EYS: variants seen among roughly 807,000 people sequenced by gnomAD.
EYS encodes the protein protein eyes shut homolog.
A neutral mutation model predicts 282.1 loss-of-function variants in EYS; 250 were observed. The observed-to-expected ratio is 0.89, with a 90% CI of 0.80 to 0.98. The LOEUF (loss-of-function observed/expected upper bound fraction) is 0.98. Ranked by LOEUF, EYS falls within the 50% of genes least tolerant of loss-of-function variation. The probability of loss-of-function intolerance (pLI) is 0.00; values close to 1 mark genes in which losing one functional copy is unlikely to be tolerated. For missense variants in EYS, 4,016 were observed against 3,709.0 expected (o/e 1.08, Z -2.15); for synonymous variants, 1,355 against 1,282.9 (o/e 1.06, Z -1.20).
At chr6:63,929,387 A>C (rs1271363973) in intron 35 of EYS, among the ~76,000 whole-genome samples, 5 of 152,182 alleles carry the variant, frequency 3.3e-5, no homozygotes, top group Non-Finnish European at 7.3e-5. Context: ...ACAGGAGAAG[A>C]AGCAACTGAT....
At chr6:63,789,251 GC>G (rs1178803886) in intron 37 of EYS, 27 bp from the exon 38 acceptor site, 1 of 1,540,976 alleles carries the variant, frequency 6.5e-7, no homozygotes, top group Non-Finnish European at 8.8e-7. Flanking sequence ...CATGGGGAAT[GC>G]TCACTGAGAG....
intron 29 of EYS, among the ~76,000 whole-genome samples, chr6:64,340,762 G>C (rs866457000): frequency 1.3e-5 from 2 of 151,150 alleles, no homozygotes; most frequent in African/African-American, 4.8e-5. Context: ...CAAACAAAAT[G>C]ATAAACAAAG....
chr6:65,078,425 TAACA>T (rs1168357863), intron 12 of EYS, among the ~76,000 whole-genome samples: 1 of 152,030 alleles, frequency 6.6e-6, no homozygotes, highest in Non-Finnish European at 1.5e-5. Flanking sequence ...GGAACTGCAG[TAACA>T]AAGCAAGATT....
intron 15 of EYS, among the ~76,000 whole-genome samples, chr6:64,933,860 T>C (rs1262420665): frequency 1.3e-5 from 2 of 152,052 alleles, no homozygotes; most frequent in Non-Finnish European, 2.9e-5. Flanking sequence ...GAAACCATCA[T>C]TATCAGCAAA....
At chr6:65,002,178 G>A (rs1432635992) in intron 13 of EYS, among the ~76,000 whole-genome samples, 1 of 147,086 alleles carries the variant, frequency 6.8e-6, no homozygotes, top group East Asian at 2.1e-4. Flanking sequence ...TCAGCCATGC[G>A]ATATTTTAAA....
At chr6:64,532,930 C>A (rs74501585) in intron 26 of EYS, among the ~76,000 whole-genome samples, 2,032 of 151,964 alleles carry the variant, frequency 0.013, 43 homozygotes, top group East Asian at 0.082. Flanking sequence ...TATAGGGATT[C>A]TTAAATAACT....
At chr6:64,109,586 A>G (rs1773140829) in intron 31 of EYS, among the ~76,000 whole-genome samples, 1 of 152,162 alleles carries the variant, frequency 6.6e-6, no homozygotes, top group Non-Finnish European at 1.5e-5. Flanking sequence ...ACTGTAAGGG[A>G]TTATGACTAT....
intron 22 of EYS, among the ~76,000 whole-genome samples, chr6:64,755,712 G>A (rs142568796): frequency 1.3e-5 from 2 of 152,080 alleles, no homozygotes; most frequent in Admixed American, 6.6e-5. Flanking sequence ...GGGGCATAGA[G>A]AGTGGAATAA....
At chr6:64,303,354 C>T (rs1231729536) in intron 30 of EYS, among the ~76,000 whole-genome samples, 1 of 152,146 alleles carries the variant, frequency 6.6e-6, no homozygotes, top group Non-Finnish European at 1.5e-5. Flanking sequence ...TTTACTAATT[C>T]TAGGATTCAA....
At chr6:64,394,974 T>C (rs1231844475) in intron 28 of EYS, among the ~76,000 whole-genome samples, 3 of 152,092 alleles carry the variant, frequency 2.0e-5, no homozygotes. Context: ...GGGCGAAGGA[T>C]ATGAACAGAC....
intron 35 of EYS, among the ~76,000 whole-genome samples, chr6:63,967,278 TATTA>T (rs1166768419): frequency 2.0e-5 from 3 of 152,304 alleles, no homozygotes; most frequent in East Asian, 1.9e-4. Context: ...ATTTAAAACT[TATTA>T]ATTGTTTATT....
intron 11 of EYS, chr6:65,332,483 A>T: frequency 8.2e-7 from 1 of 1,213,664 alleles, no homozygotes; most frequent in Non-Finnish European, 1.2e-6. Flanking sequence ...AAGTCTATGC[A>T]TTATATTTCC....
At chr6:63,918,727 G>C (rs577628933) in intron 35 of EYS, among the ~76,000 whole-genome samples, 1 of 152,232 alleles carries the variant, frequency 6.6e-6, no homozygotes, top group South Asian at 2.1e-4. Flanking sequence ...TATCATTTCC[G>C]TCGAAACAAG....
At chr6:65,273,429 C>T (rs1412292810) in intron 12 of EYS, among the ~76,000 whole-genome samples, 1 of 151,926 alleles carries the variant, frequency 6.6e-6, no homozygotes, top group African/African-American at 2.4e-5. Context: ...AGGAAAGTAA[C>T]AGGCAAGGCA....
intron 12 of EYS, among the ~76,000 whole-genome samples, chr6:65,158,574 A>G (rs186100468): frequency 6.6e-6 from 1 of 150,992 alleles, no homozygotes; most frequent in East Asian, 2.0e-4. Flanking sequence ...TTTGTAGATA[A>G]TTTCCTTTTT....
At chr6:64,201,603 G>GA (rs112217011) in intron 31 of EYS, among the ~76,000 whole-genome samples, 34 of 152,040 alleles carry the variant, frequency 2.2e-4, no homozygotes, top group African/African-American at 7.0e-4. Flanking sequence ...CTATTACGTT[G>GA]AAAAAAATTC....
At chr6:65,410,249 C>G (rs779441471) in intron 5 of EYS, among the ~76,000 whole-genome samples, 29 of 151,974 alleles carry the variant, frequency 1.9e-4, no homozygotes, top group Non-Finnish European at 3.7e-4. Context: ...TCTATTCTTA[C>G]CCAGTTTTAT....
chr6:63,787,038 T>C (rs1223095383), intron 39 of EYS: 3 of 151,990 alleles, frequency 2.0e-5, no homozygotes, highest in African/African-American at 7.3e-5. Context: ...AATTAGGGGA[T>C]CTCAAGGTCC....
At chr6:64,282,895 C>G (rs1768358702) in intron 30 of EYS, among the ~76,000 whole-genome samples, 1 of 152,184 alleles carries the variant, frequency 6.6e-6, no homozygotes, top group Non-Finnish European at 1.5e-5. Flanking sequence ...AACTTCAGTT[C>G]TGTCTCTTAT....
Sources: allele counts gnomAD v4.1 joint callset (sites outside exome capture counted in the v4.1 genomes callset), GRCh38; gene constraint gnomAD v4.1.1; transcripts MANE v1.5; gene names NCBI Gene and HGNC (gene_info 2026-07-23, HGNC 2026-07-21).